Variants in PTPRG observed in about 807,000 individuals in gnomAD.
PTPRG encodes receptor-type tyrosine-protein phosphatase gamma.
Under a neutral mutation model 165.3 loss-of-function variants are expected in PTPRG, and 102 were observed. The ratio of observed to expected loss-of-function variants is 0.62; its 90% CI spans 0.53 to 0.73. PTPRG has a LOEUF of 0.73. Ranked by LOEUF, PTPRG falls within the 30% of genes least tolerant of loss-of-function variation. PTPRG has a pLI of 0.00. For synonymous variants in PTPRG, 675 were observed against 669.5 expected (o/e 1.01, Z -0.13); for missense variants, 1,866 against 1,861.4 (o/e 1.00, Z -0.05).
At chr3:62,193,142 C>T (rs1646182322) in intron 9 of PTPRG, among the ~76,000 whole-genome samples, 1 of 152,204 alleles carries the variant, frequency 6.6e-6, no homozygotes, top group Admixed American at 6.5e-5. Context: ...GGATTTTTCT[C>T]TTTCTGGAGT....
At position 61,882,077 on chromosome 3, in the gene PTPRG, C is replaced by G. The variant is rs78097119; in HGVS notation, c.191-107548C>G. On this transcript the variant is annotated intron_variant, in intron 2 of 29. Transcript: ENST00000474889. ...CCTAGTTACATGCCATTACAACTGA[C>G]AGTATACCCCCTTTTAAAGAAAATA... Among the ~76,000 whole-genome samples, 514 of 152,300 alleles carry G rather than the reference C, an allele frequency of 3.4e-3. 4 individuals are homozygous for G. The highest frequency in any genetic ancestry group is 0.011 in the African/African-American group (465 of 41,544).
intron 1 of PTPRG, among the ~76,000 whole-genome samples, chr3:61,724,666 T>C (rs1262348177): frequency 6.6e-6 from 1 of 152,092 alleles, no homozygotes; most frequent in African/African-American, 2.4e-5. Context: ...ATTACCACTA[T>C]TTTTTTATTT....
intron 1 of PTPRG, among the ~76,000 whole-genome samples, chr3:61,701,211 C>T (rs906822378): frequency 6.6e-6 from 1 of 152,152 alleles, no homozygotes; most frequent in Non-Finnish European, 1.5e-5. Context: ...ATGCTGAGCT[C>T]TCTGATTCTT....
chr3:61,901,192 T>C (rs61696950), intron 2 of PTPRG, among the ~76,000 whole-genome samples: 70,769 of 152,060 alleles, frequency 0.47, 18,836 homozygotes, highest in African/African-American at 0.73. Flanking sequence ...TTATGTTTTG[T>C]TGGGTTTTCT....
At chr3:61,978,037 A>G (rs1427152144) in intron 2 of PTPRG, among the ~76,000 whole-genome samples, 1 of 152,218 alleles carries the variant, frequency 6.6e-6, no homozygotes, top group Non-Finnish European at 1.5e-5. Flanking sequence ...TTTTTAGTAG[A>G]GACGGGGTTT....
chr3:61,918,158 G>T lies in PTPRG; in HGVS notation c.191-71467G>T, dbSNP rs915814622. Among the ~76,000 whole-genome samples the T allele has an allele frequency of 3.9e-5, 6 of 152,262 alleles. No homozygotes were observed. In the East Asian group the frequency reaches 7.7e-4, roughly 20 times the overall value. On this transcript the variant is annotated intron_variant, in intron 2 of 29. Coordinates refer to ENST00000474889, the MANE Select transcript of PTPRG (RefSeq NM_002841.4). ...GGCAAAGGCAGGATGGTGGAGAGAA[G>T]TTCCAAGGAAGACACTAATCAAAAA...
chr3:61,787,856 C>T (rs188463947), intron 2 of PTPRG, among the ~76,000 whole-genome samples: 102 of 152,080 alleles, frequency 6.7e-4, no homozygotes, highest in Middle Eastern at 6.8e-3. Context: ...TGATACCCCT[C>T]GTTACCCAGT....
Position 62,293,520 on chromosome 3 carries a change from A to G in PTPRG, c.*213A>G. The G allele has an allele frequency of 2.4e-6, 1 of 417,656 alleles. No homozygotes were observed. The highest frequency in any genetic ancestry group is 4.2e-6 in the Non-Finnish European group (1 of 236,496). The allele number at this position is 417,656 out of a possible 1,614,324, so 25.9% of individuals were successfully genotyped here. The stretch of plus-strand genomic sequence containing the variant: ...ATTTCACACAGTGAAACGCAATTTT[A>G]CCTAGTTTGCACTATATGATCAGTG... On this transcript the variant is annotated 3_prime_UTR_variant, in exon 30 of 30. Transcript: ENST00000474889.
rs143827266 is a variant in PTPRG at position 62,203,688 on chromosome 3, C to T, written c.1893C>T (p.Asn631=). 1.8e-3 allele frequency: 2,753 copies of T among 1,571,874 alleles called. 3 individuals carry two copies. Among genetic ancestry groups the T allele is most frequent in the Non-Finnish European group, 2.3e-3 (2,612 of 1,157,956 alleles). ...CCAGCCCCACACCCTCGTCTCCTAA[C>T]AGGACTGCCGAGGGAGGGCATCAGA... ...TEPSPTPSSP[N]RTAEGGHQTI... is the part of the protein sequence containing the mutation. Residue 631 remains asparagine (N), a synonymous_variant, in exon 12 of 30, where the codon AAC becomes AAT. Transcript: ENST00000474889. The surrounding 1 kb of genome is among the most constrained non-coding windows in gnomAD (Gnocchi z 6.4).
intron 2 of PTPRG, among the ~76,000 whole-genome samples, chr3:61,844,593 G>A (rs1428862497): frequency 6.8e-6 from 1 of 147,080 alleles, no homozygotes; most frequent in Non-Finnish European, 1.5e-5. Flanking sequence ...GTGTAGCCTT[G>A]AACTCATGGG....
At position 62,222,483 on chromosome 3, in the gene PTPRG, A is replaced by G. The variant is rs904483480; in HGVS notation, c.2288+3500A>G. ...AGTTCCACTTAAGTCCCAACATGGCATCTCTTATTACTGACTTCTGTCATT... is the reference window on the plus strand; with the variant it reads ...AGTTCCACTTAAGTCCCAACATGGCGTCTCTTATTACTGACTTCTGTCATT... On this transcript the variant is annotated intron_variant, in intron 13 of 29. Coordinates refer to ENST00000474889, the MANE Select transcript of PTPRG (RefSeq NM_002841.4). The surrounding 1 kb of genome is among the most constrained non-coding windows in gnomAD (Gnocchi z 4.5). 6.6e-6 allele frequency among the ~76,000 whole-genome samples: 1 copy of G among 152,236 alleles called. No individual in the cohort carries two copies. The highest frequency in any genetic ancestry group is 1.5e-5 in the Non-Finnish European group (1 of 68,044).
chr3:62,036,805 G>A (rs1166022811), intron 4 of PTPRG, among the ~76,000 whole-genome samples: 13 of 152,200 alleles, frequency 8.5e-5, no homozygotes, highest in African/African-American at 4.8e-5. Context: ...TAGGTAATTC[G>A]TACCATCCTC....
At chr3:61,797,406 G>A (rs1196837819) in intron 2 of PTPRG, among the ~76,000 whole-genome samples, 3 of 152,064 alleles carry the variant, frequency 2.0e-5, no homozygotes, top group East Asian at 3.9e-4. Context: ...TATGGGAGCC[G>A]CATTGGTCTT....
At chr3:61,844,282 A>G (rs1164674362) in intron 2 of PTPRG, among the ~76,000 whole-genome samples, 1 of 152,102 alleles carries the variant, frequency 6.6e-6, no homozygotes, top group Non-Finnish European at 1.5e-5. Flanking sequence ...GTCTGTTTTT[A>G]TATTTGTATT....
rs1169177844 is a variant in PTPRG at position 61,738,279 on chromosome 3, C to CATATATAT, written c.86-10573_86-10566dup. On this transcript the variant is annotated intron_variant, in intron 1 of 29. Transcript: ENST00000474889. ...ATTTTTATATATATATATATATATA[C>CATATATAT]ATATATATATATATATATATATATA... 3.9e-4 allele frequency among the ~76,000 whole-genome samples: 6 copies of CATATATAT among 15,490 alleles called. No homozygotes were observed. In the South Asian group the frequency reaches 5.9e-3, roughly 15 times the overall value. 10.2% of individuals were successfully genotyped at this position (15,490 alleles called of 152,430 possible).
chr3:62,187,379 A>C (rs1218751838), intron 8 of PTPRG, among the ~76,000 whole-genome samples: 2 of 152,236 alleles, frequency 1.3e-5, no homozygotes, highest in African/African-American at 2.4e-5. Context: ...CACGGGCCGA[A>C]ACTTACTCCC....
chr3:61,582,684 TAG>T (rs1216387440), intron 1 of PTPRG, among the ~76,000 whole-genome samples: 1 of 152,196 alleles, frequency 6.6e-6, no homozygotes, highest in Non-Finnish European at 1.5e-5. Flanking sequence ...TTCCAGGCTG[TAG>T]ATACAGAAAT....
intron 1 of PTPRG, among the ~76,000 whole-genome samples, chr3:61,690,953 G>A (rs1339448713): frequency 1.3e-5 from 2 of 151,958 alleles, no homozygotes; most frequent in Admixed American, 6.6e-5. Flanking sequence ...GATTGATTTT[G>A]GGGTGAATTG....
intron 1 of PTPRG, among the ~76,000 whole-genome samples, chr3:61,667,124 G>A (rs1188696714): frequency 3.3e-5 from 5 of 152,262 alleles, no homozygotes; most frequent in East Asian, 1.9e-4. Flanking sequence ...AAACAAGAGC[G>A]GAAATGGTCT....
Sources: allele counts gnomAD v4.1 joint callset (sites outside exome capture counted in the v4.1 genomes callset), GRCh38; gene constraint gnomAD v4.1.1; non-coding constraint Gnocchi (gnomAD v3.1); transcripts MANE v1.5; gene names NCBI Gene and HGNC (gene_info 2026-07-23, HGNC 2026-07-21).